EXOC6B: variants seen among roughly 807,000 people sequenced by gnomAD.
EXOC6B encodes the protein exocyst complex component 6B.
In EXOC6B, 54 loss-of-function variants were observed where a neutral mutation model predicts 113.5. The ratio of observed to expected loss-of-function variants is 0.48; its 90% confidence interval spans 0.38 to 0.60. EXOC6B has a LOEUF of 0.60. Ranked by LOEUF, EXOC6B falls within the 20% of genes least tolerant of loss-of-function variation. The probability of loss-of-function intolerance (pLI) is 0.00; values close to 1 mark genes in which losing one functional copy is unlikely to be tolerated. For missense variants in EXOC6B, 797 were observed against 977.5 expected, an observed-to-expected ratio of 0.82 and a Z score of 2.46; for synonymous variants, 357 against 339.0, an observed-to-expected ratio of 1.05 and a Z score of -0.58.
At chr2:72,752,073 A>C (rs1217405717) in intron 1 of EXOC6B, among the ~76,000 whole-genome samples, 1 of 152,098 alleles carries the variant, frequency 6.6e-6, no homozygotes, top group Non-Finnish European at 1.5e-5. Context: ...GTCTTTTATC[A>C]GCTCATTCTT....
intron 20 of EXOC6B, among the ~76,000 whole-genome samples, chr2:72,194,849 C>A (rs189541983): frequency 6.6e-6 from 1 of 152,208 alleles, no homozygotes; most frequent in African/African-American, 2.4e-5. Flanking sequence ...AGCTTTGCAA[C>A]AACGGCCAGT....
intron 20 of EXOC6B, among the ~76,000 whole-genome samples, chr2:72,209,583 C>A (rs1194161360): frequency 6.6e-6 from 1 of 152,084 alleles, no homozygotes; most frequent in African/African-American, 2.4e-5. Context: ...ATCTTAGCAC[C>A]CTCCTCTGCT....
intron 8 of EXOC6B, among the ~76,000 whole-genome samples, chr2:72,530,764 A>T (rs1422443305): frequency 6.6e-6 from 1 of 152,068 alleles, no homozygotes; most frequent in Admixed American, 6.6e-5. Flanking sequence ...TGTTTGGGGC[A>T]TAATCATTAT....
chr2:72,656,774 G>A (rs558722903), intron 6 of EXOC6B, among the ~76,000 whole-genome samples: 9 of 152,312 alleles, frequency 5.9e-5, no homozygotes, highest in South Asian at 2.1e-4. Context: ...GTCATTTTTA[G>A]TGGTGTGTAA....
intron 20 of EXOC6B, among the ~76,000 whole-genome samples, chr2:72,234,794 T>G (rs575933694): frequency 4.6e-5 from 7 of 151,944 alleles, no homozygotes; most frequent in African/African-American, 1.7e-4. Flanking sequence ...CCAACAAGCA[T>G]ACAGAAACAT....
intron 6 of EXOC6B, among the ~76,000 whole-genome samples, chr2:72,600,845 A>C (rs1420242998): frequency 6.6e-6 from 1 of 152,184 alleles, no homozygotes; most frequent in Non-Finnish European, 1.5e-5. Flanking sequence ...AAAAGTAATA[A>C]ACTGGAATTC....
chr2:72,388,704 G>C (rs1209635904), intron 18 of EXOC6B, among the ~76,000 whole-genome samples: 1 of 152,000 alleles, frequency 6.6e-6, no homozygotes, highest in Non-Finnish European at 1.5e-5. Flanking sequence ...TTTCAGTTCT[G>C]CCAGTTTTTG....
intron 1 of EXOC6B, among the ~76,000 whole-genome samples, chr2:72,819,155 A>G (rs1352796119): frequency 1.3e-5 from 2 of 152,242 alleles, no homozygotes; most frequent in Non-Finnish European, 2.9e-5. Context: ...CTAAAGTGAC[A>G]TCATTATAAT....
chr2:72,297,304 C>T (rs1351861131), intron 20 of EXOC6B, among the ~76,000 whole-genome samples: 2 of 152,080 alleles, frequency 1.3e-5, no homozygotes, highest in Non-Finnish European at 2.9e-5. Flanking sequence ...CACTCAGGTA[C>T]TAAGCCCAAA....
At chr2:72,792,874 G>A (rs1414615359) in intron 1 of EXOC6B, among the ~76,000 whole-genome samples, 3 of 151,972 alleles carry the variant, frequency 2.0e-5, no homozygotes, top group Admixed American at 6.6e-5. Context: ...CACTATATAT[G>A]TATACATCTA....
chr2:72,538,716 C>A (rs917945791), intron 8 of EXOC6B, among the ~76,000 whole-genome samples: 1 of 152,044 alleles, frequency 6.6e-6, no homozygotes, highest in Non-Finnish European at 1.5e-5. Context: ...ACTAGAAGTA[C>A]GCAATAAATA....
At chr2:72,470,621 C>T (rs1204519215) in intron 17 of EXOC6B, among the ~76,000 whole-genome samples, 1 of 150,388 alleles carries the variant, frequency 6.6e-6, no homozygotes, top group Non-Finnish European at 1.5e-5. Flanking sequence ...TCCCCCCTCC[C>T]CCTACCCCAC....
At chr2:72,315,749 T>G (rs370022738) in intron 20 of EXOC6B, among the ~76,000 whole-genome samples, 7 of 152,060 alleles carry the variant, frequency 4.6e-5, no homozygotes, top group African/African-American at 1.7e-4. Flanking sequence ...TGCCATTAAT[T>G]GAGATGAAGA....
At chr2:72,336,197 G>A (rs1184786832) in intron 19 of EXOC6B, among the ~76,000 whole-genome samples, 1 of 152,146 alleles carries the variant, frequency 6.6e-6, no homozygotes, top group Admixed American at 6.5e-5. Flanking sequence ...ATCCAGTACT[G>A]AATTTAAGAA....
At chr2:72,211,104 C>T (rs946763979) in intron 20 of EXOC6B, among the ~76,000 whole-genome samples, 1 of 152,118 alleles carries the variant, frequency 6.6e-6, no homozygotes, top group Non-Finnish European at 1.5e-5. Context: ...TGAAATGCAT[C>T]CTATCTTCAC....
At chr2:72,485,396 A>G (rs1397534881) in intron 16 of EXOC6B, among the ~76,000 whole-genome samples, 1 of 152,268 alleles carries the variant, frequency 6.6e-6, no homozygotes. Context: ...GAGAAGTCAC[A>G]CTCTTCTTCA....
At chr2:72,631,371 CAT>C (rs996429140) in intron 6 of EXOC6B, among the ~76,000 whole-genome samples, 2 of 144,786 alleles carry the variant, frequency 1.4e-5, no homozygotes, top group African/African-American at 2.6e-5. Context: ...CTCCATCCTA[CAT>C]ATATATATGG....
intron 8 of EXOC6B, among the ~76,000 whole-genome samples, chr2:72,524,797 C>T (rs956506800): frequency 6.6e-6 from 1 of 152,166 alleles, no homozygotes; most frequent in African/African-American, 2.4e-5. Flanking sequence ...AGAGCCACAA[C>T]ATTGTCAAAA....
intron 1 of EXOC6B, among the ~76,000 whole-genome samples, chr2:72,814,577 T>A (rs995050015): frequency 2.6e-5 from 4 of 152,264 alleles, no homozygotes; most frequent in African/African-American, 9.6e-5. Flanking sequence ...AATGTTTCAC[T>A]GCGTAATGTA....
Sources: gnomAD v4.1 joint callset for allele counts (sites outside exome capture counted in the v4.1 genomes callset) on GRCh38, gnomAD v4.1.1 for gene constraint, MANE v1.5 for transcripts, NCBI Gene and HGNC (gene_info 2026-07-23, HGNC 2026-07-21) for gene names.